The following SGCD variants were observed in gnomAD, a reference collection of about 807,000 sequenced individuals.
The protein encoded by SGCD is sarcoglycan delta.
Under a neutral mutation model 36.6 loss-of-function variants are expected in SGCD, and 18 were observed. The ratio of observed to expected loss-of-function variants is 0.49; its 90% confidence interval spans 0.34 to 0.73. The LOEUF (loss-of-function observed/expected upper bound fraction) is 0.73. Ranked by LOEUF, SGCD falls within the 30% of genes least tolerant of loss-of-function variation. The pLI is 0.01. For synonymous variants in SGCD, 133 were observed against 130.6 expected, an observed-to-expected ratio of 1.02 and a Z score of -0.12; for missense variants, 387 against 346.7, an observed-to-expected ratio of 1.12 and a Z score of -0.92.
chr5:156,043,401 T>C (rs1344470156), intron 1 of SGCD, among the ~76,000 whole-genome samples: 1 of 152,186 alleles, frequency 6.6e-6, no homozygotes, highest in Non-Finnish European at 1.5e-5. Flanking sequence ...CTCAATTAAA[T>C]GTCACCTATC....
chr5:155,829,436 G>T, the SGCD span, among the ~76,000 whole-genome samples: 1 of 152,162 alleles, frequency 6.6e-6, no homozygotes, highest in African/African-American at 2.4e-5. Flanking sequence ...CCTGTAAGAT[G>T]CACTATGCTC....
At chr5:156,271,564 C>A (rs1361188295) in intron 3 of SGCD, among the ~76,000 whole-genome samples, 1 of 152,012 alleles carries the variant, frequency 6.6e-6, no homozygotes, top group East Asian at 1.9e-4. Flanking sequence ...TGAAGCAGTG[C>A]TTGATCCAAA....
rs2127593443 is a variant in SGCD, at chr5:156,088,448, A to C, written c.-281-29430A>C. On this transcript the variant is annotated intron_variant, in intron 1 of 9. Transcript: ENST00000517913. ...TGAAGACTTGCAAGTGTGGCCAGGCATTTTCCTGTGTAGGTGATACCCAGC... is the reference window on the plus strand; with the variant it reads ...TGAAGACTTGCAAGTGTGGCCAGGCCTTTTCCTGTGTAGGTGATACCCAGC... Among the ~76,000 whole-genome samples, 2 of 152,066 alleles carry C rather than the reference A, an allele frequency of 1.3e-5. 1 individual carries two copies. The highest frequency in any genetic ancestry group is 6.8e-3 in the Middle Eastern group (2 of 294).
At chr5:156,744,031 AG>A (rs752747425) in intron 7 of SGCD, among the ~76,000 whole-genome samples, 1 of 152,218 alleles carries the variant, frequency 6.6e-6, no homozygotes, top group Non-Finnish European at 1.5e-5. Context: ...CAGTTAAAAC[AG>A]GGATACCTGA....
chr5:155,748,694 C>A, the SGCD span, among the ~76,000 whole-genome samples: 1 of 152,078 alleles, frequency 6.6e-6, no homozygotes, highest in Non-Finnish European at 1.5e-5. Flanking sequence ...ATTTGGGGGA[C>A]ACCACAAAGA....
rs557718888 is a variant in SGCD at position 156,385,242 on chromosome 5, G to A, written c.192+40565G>A. Among the ~76,000 whole-genome samples the A allele has an allele frequency of 3.3e-5, 5 of 152,200 alleles. 1 individual carries two copies. The highest frequency in any genetic ancestry group is 1.2e-4 in the African/African-American group (5 of 41,530). On this transcript the variant is annotated intron_variant, in intron 3 of 8. Coordinates refer to ENST00000337851, the MANE Select transcript of SGCD (RefSeq NM_000337.6). Reference sequence around the variant, plus strand: ...TTTTCTAGCTTCATTTTCTCTTTCTGTAAAATGAGGGTAACTGGGCCACCC... The same window carrying A: ...TTTTCTAGCTTCATTTTCTCTTTCTATAAAATGAGGGTAACTGGGCCACCC...
chr5:155,983,083 C>T (rs13354356), intron 1 of SGCD, among the ~76,000 whole-genome samples: 2,628 of 152,064 alleles, frequency 0.017, 61 homozygotes, highest in African/African-American at 0.06. Context: ...ATACTTTTTT[C>T]CATCTTAAAA....
intron 7 of SGCD, among the ~76,000 whole-genome samples, chr5:156,652,173 T>C (rs1260240726): frequency 6.6e-6 from 1 of 152,078 alleles, no homozygotes; most frequent in African/African-American, 2.4e-5. Context: ...TCTTTAGGGT[T>C]TTCTAGCTAT....
chr5:156,746,576 A>G (rs1756946364), intron 7 of SGCD, among the ~76,000 whole-genome samples: 1 of 152,256 alleles, frequency 6.6e-6, no homozygotes, highest in Admixed American at 6.5e-5. Flanking sequence ...ATAGATCCAC[A>G]CATATATGCT....
At chr5:156,540,653 G>T (rs79697512) in intron 4 of SGCD, among the ~76,000 whole-genome samples, 1 of 151,972 alleles carries the variant, frequency 6.6e-6, no homozygotes, top group East Asian at 1.9e-4. Context: ...TTCTTATTTC[G>T]CATAGTTTGC....
chr5:156,281,061 A>G (rs1220178527), intron 3 of SGCD, among the ~76,000 whole-genome samples: 1 of 152,202 alleles, frequency 6.6e-6, no homozygotes, highest in East Asian at 1.9e-4. Flanking sequence ...AATTGTGTAC[A>G]TACAGAATTC....
intron 1 of SGCD, among the ~76,000 whole-genome samples, chr5:155,871,174 A>G (rs1421255134): frequency 2.0e-5 from 3 of 152,162 alleles, no homozygotes; most frequent in Non-Finnish European, 2.9e-5. Context: ...CATGCTAATC[A>G]AGGTGATATA....
intron 3 of SGCD, among the ~76,000 whole-genome samples, chr5:156,226,790 G>T (rs1561573738): frequency 6.6e-6 from 1 of 151,812 alleles, no homozygotes; most frequent in Non-Finnish European, 1.5e-5. Context: ...TACCATTCTT[G>T]CAGGGGTAAG....
At chr5:156,602,767 A>G (rs1274065542) in intron 6 of SGCD, among the ~76,000 whole-genome samples, 1 of 152,176 alleles carries the variant, frequency 6.6e-6, no homozygotes, top group Non-Finnish European at 1.5e-5. Context: ...ATGGTAAACC[A>G]TCCTTGCATT....
chr5:156,118,613 G>A (rs560685701), intron 2 of SGCD, among the ~76,000 whole-genome samples: 2 of 152,106 alleles, frequency 1.3e-5, no homozygotes, highest in Admixed American at 1.3e-4. Context: ...AGCCAAGAAG[G>A]CTATAAATCA....
intron 1 of SGCD, among the ~76,000 whole-genome samples, chr5:155,912,152 G>GT (rs1756642806): frequency 6.6e-6 from 1 of 152,008 alleles, no homozygotes; most frequent in East Asian, 1.9e-4. Context: ...TAAGTGACTT[G>GT]TGTGCTCTTG....
At chr5:156,386,027 C>G (rs1340574485) in intron 3 of SGCD, among the ~76,000 whole-genome samples, 3 of 152,210 alleles carry the variant, frequency 2.0e-5, no homozygotes, top group Non-Finnish European at 4.4e-5. Flanking sequence ...GATCTCCTAT[C>G]AGGTAATGAT....
At chr5:156,727,038 G>A (rs768889241) in intron 7 of SGCD, among the ~76,000 whole-genome samples, 116 of 152,190 alleles carry the variant, frequency 7.6e-4, no homozygotes, top group Non-Finnish European at 1.4e-3. Flanking sequence ...TCAAAATGAA[G>A]GTAATGTTTA....
chr5:156,415,247 A>G (rs1038823124), intron 3 of SGCD, among the ~76,000 whole-genome samples: 1 of 152,194 alleles, frequency 6.6e-6, no homozygotes, highest in African/African-American at 2.4e-5. Flanking sequence ...GTTTTAAGGT[A>G]TTTCTCCGCA....
Sources: allele counts gnomAD v4.1 joint callset (sites outside exome capture counted in the v4.1 genomes callset), GRCh38; gene constraint gnomAD v4.1.1; transcripts MANE v1.5; gene names NCBI Gene and HGNC (gene_info 2026-07-23, HGNC 2026-07-21).